The following GALNT13 variants were observed in gnomAD, a reference collection of about 807,000 sequenced individuals.
GALNT13 encodes UDP-GalNAc:polypeptide N-acetylgalactosaminyltransferase 13.
A neutral mutation model predicts 64.2 loss-of-function variants in GALNT13; 28 were observed. That is an observed-to-expected ratio of 0.44 (90% CI 0.32 to 0.60). The LOEUF (loss-of-function observed/expected upper bound fraction) is 0.60. GALNT13 is among the 20% of genes least tolerant of loss of function. The pLI, the probability that GALNT13 is intolerant of heterozygous loss-of-function variation, is 0.05. For synonymous variants in GALNT13, 214 were observed against 224.6 expected (o/e 0.95, Z 0.42); for missense variants, 577 against 669.8 (o/e 0.86, Z 1.53).
chr2:153,922,771 A>G (rs1374847502), intron 2 of GALNT13, among the ~76,000 whole-genome samples: 1 of 152,160 alleles, frequency 6.6e-6, no homozygotes, highest in Admixed American at 6.6e-5. Context: ...TTTAATTAGC[A>G]ATGACTGGCA....
chr2:153,926,039 C>G (rs72865010), intron 2 of GALNT13, among the ~76,000 whole-genome samples: 9,657 of 151,910 alleles, frequency 0.064, 398 homozygotes, highest in Middle Eastern at 0.13. Context: ...ATTCTAATAC[C>G]CTTTATTTCT....
intron 9 of GALNT13, among the ~76,000 whole-genome samples, chr2:154,360,818 A>G (rs1277421169): frequency 6.6e-6 from 1 of 152,076 alleles, no homozygotes; most frequent in African/African-American, 2.4e-5. Context: ...GCTCTCAGGC[A>G]ATTTAAGTCT....
At chr2:154,163,073 T>C (rs1684829647) in intron 4 of GALNT13, among the ~76,000 whole-genome samples, 1 of 151,632 alleles carries the variant, frequency 6.6e-6, no homozygotes, top group African/African-American at 2.4e-5. Context: ...TGTTGGTGTG[T>C]TGCACCCATT....
At chr2:153,409,738 A>G in the GALNT13 span, among the ~76,000 whole-genome samples, 2 of 152,176 alleles carry the variant, frequency 1.3e-5, no homozygotes, top group East Asian at 1.9e-4. Flanking sequence ...ATGATCAGAA[A>G]GAAAAAGTTA....
At chr2:153,895,983 G>A (rs750338110) in intron 1 of GALNT13, among the ~76,000 whole-genome samples, 149 of 146,814 alleles carry the variant, frequency 1.0e-3, no homozygotes, top group African/African-American at 3.7e-3. Context: ...AGTAAAAAGA[G>A]AATATAATCA....
intron 2 of GALNT13, among the ~76,000 whole-genome samples, chr2:153,933,375 G>A (rs1359386296): frequency 1.3e-5 from 2 of 152,110 alleles, no homozygotes; most frequent in Non-Finnish European, 2.9e-5. Context: ...TCTGAAATTA[G>A]AATAGCAACT....
the GALNT13 span, among the ~76,000 whole-genome samples, chr2:153,394,857 G>A: frequency 6.6e-6 from 1 of 152,126 alleles, no homozygotes; most frequent in Non-Finnish European, 1.5e-5. Flanking sequence ...ATTCTGGCAC[G>A]TTTTCGTTGT....
At position 154,453,277 on chromosome 2, in the gene GALNT13, C is replaced by T. The variant is rs1484608164; in HGVS notation, c.*2726C>T. The stretch of plus-strand genomic sequence containing the variant: ...CTCACAATCTTCCAATGACTTCTCC[C>T]TCCGGTGGCCTTCAAGGTCCTTTAT... On this transcript the variant is annotated 3_prime_UTR_variant, in exon 13 of 13. Transcript: ENST00000392825. The T allele has an allele frequency of 2.0e-5, 3 of 152,136 alleles. No homozygotes were observed. Among genetic ancestry groups the T allele is most frequent in the Non-Finnish European group, 4.4e-5 (3 of 68,084 alleles). 9.4% of individuals were successfully genotyped at this position (152,136 alleles called of 1,614,324 possible). A position where few individuals can be genotyped will look rare whatever the true frequency, so the allele number is the denominator to read the frequency against.
chr2:153,943,342 A>G (rs1260675269), intron 2 of GALNT13, among the ~76,000 whole-genome samples: 2 of 152,112 alleles, frequency 1.3e-5, no homozygotes, highest in Non-Finnish European at 2.9e-5. Context: ...ATCTATTCTA[A>G]ACACACATTT....
chr2:154,232,340 A>T (rs934997358), intron 4 of GALNT13, among the ~76,000 whole-genome samples: 2 of 152,140 alleles, frequency 1.3e-5, no homozygotes, highest in South Asian at 4.1e-4. Flanking sequence ...CATAGTGTCC[A>T]TAAATTTATT....
chr2:154,023,950 A>G (rs933818729), intron 3 of GALNT13, among the ~76,000 whole-genome samples: 3 of 152,090 alleles, frequency 2.0e-5, no homozygotes, highest in Non-Finnish European at 4.4e-5. Context: ...TCCTTCACTT[A>G]TGAAGCTTAG....
At chr2:154,329,573 A>T (rs541858081) in intron 9 of GALNT13, among the ~76,000 whole-genome samples, 1 of 152,240 alleles carries the variant, frequency 6.6e-6, no homozygotes, top group South Asian at 2.1e-4. Flanking sequence ...TGAATTTCTT[A>T]TACTGCAACC....
At chr2:153,975,824 A>C (rs1249517307) in intron 3 of GALNT13, among the ~76,000 whole-genome samples, 1 of 152,098 alleles carries the variant, frequency 6.6e-6, no homozygotes, top group Non-Finnish European at 1.5e-5. Context: ...ATCTTCTCAC[A>C]GCACTACACA....
chr2:154,455,532 T>G (rs116343113), downstream of GALNT13, among the ~76,000 whole-genome samples: 1 of 152,250 alleles, frequency 6.6e-6, no homozygotes, highest in African/African-American at 2.4e-5. Flanking sequence ...AGCTTGTGTT[T>G]CAGGATTCCG....
chr2:154,358,338 T>TC (rs1201435801), intron 9 of GALNT13, among the ~76,000 whole-genome samples: 2 of 152,098 alleles, frequency 1.3e-5, no homozygotes, highest in African/African-American at 4.8e-5. Flanking sequence ...ACCTATTTTT[T>TC]CCACTCTTCA....
At chr2:153,790,562 C>T in the GALNT13 span, among the ~76,000 whole-genome samples, 1 of 152,152 alleles carries the variant, frequency 6.6e-6, no homozygotes, top group African/African-American at 2.4e-5. Context: ...TGCCATCTCT[C>T]ACCACTCCTA....
chr2:153,236,481 A>G, the GALNT13 span, among the ~76,000 whole-genome samples: 1 of 152,086 alleles, frequency 6.6e-6, no homozygotes, highest in Non-Finnish European at 1.5e-5. Flanking sequence ...GCTGGTGACT[A>G]TAAGTTGAAA....
the GALNT13 span, among the ~76,000 whole-genome samples, chr2:153,252,729 A>G: frequency 6.6e-6 from 1 of 152,186 alleles, no homozygotes; most frequent in Non-Finnish European, 1.5e-5. Context: ...TAAATAGGGA[A>G]TCCTTTCCCC....
the GALNT13 span, among the ~76,000 whole-genome samples, chr2:153,243,844 T>C: frequency 6.6e-6 from 1 of 152,274 alleles, no homozygotes; most frequent in East Asian, 1.9e-4. Flanking sequence ...TCTGAGCCCA[T>C]GTACCTGAAT....
Sources: gnomAD v4.1 joint callset for allele counts (sites outside exome capture counted in the v4.1 genomes callset) on GRCh38, gnomAD v4.1.1 for gene constraint, MANE v1.5 for transcripts, NCBI Gene and HGNC (gene_info 2026-07-23, HGNC 2026-07-21) for gene names.